Variants in GRM3 observed in about 807,000 individuals in gnomAD.
GRM3 encodes glutamate metabotropic receptor 3.
Under a neutral mutation model 70.5 loss-of-function variants are expected in GRM3, and 26 were observed. That is an observed-to-expected ratio of 0.37 (90% CI 0.27 to 0.51). GRM3 has a LOEUF of 0.51. Among genes scored for constraint, GRM3 ranks in the 20% least tolerant of loss-of-function variants. The pLI is 0.93. For synonymous variants in GRM3, 443 were observed against 434.9 expected (o/e 1.02, Z -0.23); for missense variants, 859 against 1,123.8 (o/e 0.76, Z 3.37).
At chr7:86,799,428 G>C (rs1254312137) in intron 3 of GRM3, among the ~76,000 whole-genome samples, 1 of 152,160 alleles carries the variant, frequency 6.6e-6, no homozygotes, top group Non-Finnish European at 1.5e-5. Context: ...TCTTGTGCCA[G>C]TTTTCAAAGG....
chr7:86,740,953 T>C (rs1036429767), intron 1 of GRM3, among the ~76,000 whole-genome samples: 2 of 152,194 alleles, frequency 1.3e-5, no homozygotes, highest in Non-Finnish European at 2.9e-5. Flanking sequence ...TCATGTCAAA[T>C]TCAACCTTTG....
At chr7:86,705,675 T>A (rs1281462716) in intron 1 of GRM3, among the ~76,000 whole-genome samples, 2 of 152,062 alleles carry the variant, frequency 1.3e-5, no homozygotes, top group Non-Finnish European at 2.9e-5. Flanking sequence ...TGAGAAGCAC[T>A]TTTTTGGATC....
intron 2 of GRM3, among the ~76,000 whole-genome samples, chr7:86,782,164 A>AAG (rs1473786584): frequency 7.6e-4 from 116 of 152,204 alleles, no homozygotes; most frequent in South Asian, 2.1e-3. Flanking sequence ...TTATATATCC[A>AAG]GAATTTGTCC....
chr7:86,802,661 T>G (rs1436651672), intron 3 of GRM3, among the ~76,000 whole-genome samples: 1 of 152,096 alleles, frequency 6.6e-6, no homozygotes, highest in African/African-American at 2.4e-5. Context: ...AAGACTACAT[T>G]TCTCTTCCCT....
chr7:86,763,061 A>T (rs1386219920), intron 1 of GRM3, among the ~76,000 whole-genome samples: 2 of 152,172 alleles, frequency 1.3e-5, no homozygotes, highest in East Asian at 3.9e-4. Context: ...GGCTACTCTG[A>T]ATAGTAATTG....
chr7:86,808,006 G>A (rs1039285347), intron 3 of GRM3, among the ~76,000 whole-genome samples: 3 of 152,126 alleles, frequency 2.0e-5, no homozygotes, highest in African/African-American at 7.2e-5. Flanking sequence ...AGATAGTTAT[G>A]TGGTTTTTGT....
chr7:86,736,574 T>A (rs901799075), intron 1 of GRM3, among the ~76,000 whole-genome samples: 2 of 152,188 alleles, frequency 1.3e-5, no homozygotes, highest in African/African-American at 4.8e-5. Flanking sequence ...TCTTCAGGCA[T>A]AATCCAAAGA....
intron 3 of GRM3, among the ~76,000 whole-genome samples, chr7:86,808,690 C>A (rs1797847954): frequency 6.6e-6 from 1 of 151,946 alleles, no homozygotes; most frequent in South Asian, 2.1e-4. Flanking sequence ...TCAAAAGAAA[C>A]CTCACTGACA....
At chr7:86,794,648 C>T (rs980012710) in intron 3 of GRM3, among the ~76,000 whole-genome samples, 12 of 152,318 alleles carry the variant, frequency 7.9e-5, no homozygotes, top group Admixed American at 3.3e-4. Context: ...GTCCACAATA[C>T]TTCTTATCAC....
intron 1 of GRM3, among the ~76,000 whole-genome samples, chr7:86,647,680 AT>A (rs1378376306): frequency 6.6e-6 from 1 of 152,204 alleles, no homozygotes; most frequent in Non-Finnish European, 1.5e-5. Context: ...ATTTGTTGAA[AT>A]TGCTCCCAAG....
At chr7:86,808,777 T>A (rs1372196500) in intron 3 of GRM3, among the ~76,000 whole-genome samples, 1 of 152,036 alleles carries the variant, frequency 6.6e-6, no homozygotes, top group Non-Finnish European at 1.5e-5. Flanking sequence ...GGGGAGAGCT[T>A]CACAGCAAGG....
intron 3 of GRM3, among the ~76,000 whole-genome samples, chr7:86,825,829 T>A (rs1798220898): frequency 6.6e-6 from 1 of 152,202 alleles, no homozygotes; most frequent in Non-Finnish European, 1.5e-5. Flanking sequence ...GCTACCAATT[T>A]TCAAATACTT....
chr7:86,770,733 G>A (rs1796719281), intron 2 of GRM3, among the ~76,000 whole-genome samples: 1 of 152,046 alleles, frequency 6.6e-6, no homozygotes, highest in African/African-American at 2.4e-5. Context: ...TTTCTTATAG[G>A]AGCATAGGAA....
At chr7:86,726,355 T>C (rs1795593393) in intron 1 of GRM3, among the ~76,000 whole-genome samples, 1 of 152,208 alleles carries the variant, frequency 6.6e-6, no homozygotes. Flanking sequence ...GCTGAATACA[T>C]CTAATTTCTC....
Position 86,860,926 on chromosome 7 carries a change from T to A in GRM3, c.2567-3356T>A, listed in dbSNP as rs193164388. On this transcript the variant is annotated intron_variant, in intron 5 of 5. Transcript: ENST00000361669. The stretch of plus-strand genomic sequence containing the variant: ...ATCAGAGTAGGTTTCAGATACAAAC[T>A]TAAGAGGGGGTATTTGAATCCTAGG... Among the ~76,000 whole-genome samples the A allele has an allele frequency of 2.6e-5, 4 of 152,268 alleles. No individual in the cohort carries two copies. The East Asian group carries it at 7.7e-4, about 29-fold the overall frequency.
chr7:86,743,601 T>C (rs1190404366), intron 1 of GRM3, among the ~76,000 whole-genome samples: 1 of 152,160 alleles, frequency 6.6e-6, no homozygotes, highest in African/African-American at 2.4e-5. Context: ...AATTGTGAGA[T>C]TGACAATATA....
Position 86,716,198 on chromosome 7 carries a change from G to A in GRM3, c.-140-48808G>A, listed in dbSNP as rs552252361. 1.3e-3 allele frequency among the ~76,000 whole-genome samples: 193 copies of A among 151,906 alleles called. 2 individuals are homozygous for A. The highest frequency in any genetic ancestry group is 0.01 in the Middle Eastern group (3 of 294). ...GTCAAGGTGGGGCTCAGGGTTTATG[G>A]TCATCACACTTGACCTTCTTTAATG... On this transcript the variant is annotated intron_variant, in intron 1 of 5. Transcript: ENST00000361669.
chr7:86,785,657 A>G (rs1461437655), intron 2 of GRM3, among the ~76,000 whole-genome samples: 2 of 146,108 alleles, frequency 1.4e-5, no homozygotes, highest in African/African-American at 5.0e-5. Context: ...TATGCCTAAA[A>G]TGTTGGGTGG....
At chr7:86,652,450 C>T (rs1463073701) in intron 1 of GRM3, among the ~76,000 whole-genome samples, 9 of 152,128 alleles carry the variant, frequency 5.9e-5, no homozygotes, top group Non-Finnish European at 1.3e-4. Flanking sequence ...CCTGCCTCAG[C>T]CTCCCAAGTA....
Sources: allele counts gnomAD v4.1 joint callset (sites outside exome capture counted in the v4.1 genomes callset), GRCh38; gene constraint gnomAD v4.1.1; transcripts MANE v1.5; gene names NCBI Gene and HGNC (gene_info 2026-07-23, HGNC 2026-07-21).